The following SNX8 variants were observed in gnomAD, a reference collection of about 807,000 sequenced individuals.
The protein encoded by SNX8 is sorting nexin-8.
In SNX8, 25 loss-of-function variants were observed where a neutral mutation model predicts 51.6. The observed-to-expected ratio is 0.48, with a 90% CI of 0.35 to 0.68. SNX8 has a LOEUF of 0.68. SNX8 is among the 30% of genes least tolerant of loss of function. SNX8 has a pLI of 0.00. For missense variants in SNX8, 695 were observed against 624.0 expected (o/e 1.11, Z -1.21); for synonymous variants, 324 against 277.0 (o/e 1.17, Z -1.68).
chr7:2,263,147 G>A (rs1795376820), intron 7 of SNX8, 83 bp downstream of exon 7: 20 of 1,462,388 alleles, frequency 1.4e-5, no homozygotes, highest in Admixed American at 2.0e-5. Flanking sequence ...GAACTGTGAC[G>A]CCCATCTAAG....
chr7:2,300,120 A>C (rs546937907), intron 1 of SNX8, among the ~76,000 whole-genome samples: 2 of 152,166 alleles, frequency 1.3e-5, no homozygotes, highest in Admixed American at 6.6e-5. Context: ...TTTTTCCCCC[A>C]CGGCTAAATT....
chr7:2,286,651 C>T (rs34196856), intron 1 of SNX8, among the ~76,000 whole-genome samples: 76,393 of 150,396 alleles, frequency 0.51, 22,118 homozygotes, highest in African/African-American at 0.78. Context: ...CCTGAGTAGC[C>T]GGGACTACAG....
At chr7:2,255,389 C>T (rs946970992) in intron 10 of SNX8, among the ~76,000 whole-genome samples, 2 of 152,210 alleles carry the variant, frequency 1.3e-5, no homozygotes, top group African/African-American at 2.4e-5. Context: ...CAGACACCCA[C>T]GCTTCGATCC....
At chr7:2,350,453 A>G (rs1377711715) in intron 1 of SNX8, among the ~76,000 whole-genome samples, 1 of 152,230 alleles carries the variant, frequency 6.6e-6, no homozygotes, top group East Asian at 1.9e-4. Flanking sequence ...CGGAAACTAT[A>G]AATTTGGCCT....
intron 1 of SNX8, among the ~76,000 whole-genome samples, chr7:2,282,381 G>A (rs1455460501): frequency 1.3e-5 from 2 of 152,184 alleles, no homozygotes; most frequent in African/African-American, 4.8e-5. Context: ...CAGGCATGCG[G>A]TGAGGGGCAA....
Position 2,331,532 on chromosome 7 carries a change from C to T in SNX8, c.-66+22690G>A, listed in dbSNP as rs555593755. On this transcript the variant is annotated intron_variant, in intron 1 of 5. Coordinates refer to the SNX8 transcript ENST00000435336. ...CATCCTGGCTAACACGGTGAAACCC[C>T]GTCTCCACTAAAAATACAAAAAATT... Among the ~76,000 whole-genome samples, 433 of 151,820 alleles carry T rather than the reference C, an allele frequency of 2.9e-3. 2 individuals carry two copies. Among genetic ancestry groups the T allele is most frequent in the Middle Eastern group, 0.01 (3 of 294 alleles).
chr7:2,269,910 C>G, intron 4 of SNX8, among the ~76,000 whole-genome samples: 1 of 152,268 alleles, frequency 6.6e-6, no homozygotes, highest in South Asian at 2.1e-4. Flanking sequence ...CGGGGGGCAG[C>G]TCTCCAGAGA....
upstream of SNX8, among the ~76,000 whole-genome samples, chr7:2,317,123 C>G (rs1227990499): frequency 1.3e-5 from 2 of 151,926 alleles, no homozygotes; most frequent in Non-Finnish European, 2.9e-5. Flanking sequence ...AGGAGGAGGG[C>G]ACGAAGGCTC....
intron 1 of SNX8, among the ~76,000 whole-genome samples, chr7:2,283,960 T>A (rs1483997176): frequency 6.6e-6 from 1 of 152,154 alleles, no homozygotes; most frequent in African/African-American, 2.4e-5. Context: ...CATACCTGGC[T>A]AATTTTGCAT....
intron 5 of SNX8, 100 bp downstream of exon 5, chr7:2,269,459 C>T (rs1055278312): frequency 3.3e-6 from 2 of 612,468 alleles, no homozygotes; most frequent in African/African-American, 3.8e-5. Flanking sequence ...CCACTATTGT[C>T]CCATGACCCT....
chr7:2,338,579 A>C (rs1778871276), intron 1 of SNX8, among the ~76,000 whole-genome samples: 1 of 152,164 alleles, frequency 6.6e-6, no homozygotes, highest in Non-Finnish European at 1.5e-5. Context: ...GGTCGCAGTG[A>C]CCCGAGATTG....
rs1199297989 is a variant in SNX8, at chr7:2,278,157, G to A, written c.243C>T (p.Leu81=). 2 of 1,614,150 alleles carry A rather than the reference G, an allele frequency of 1.2e-6. No homozygotes were observed. The highest frequency in any genetic ancestry group is 2.2e-5 in the East Asian group (1 of 44,888). The change falls in exon 2 of 11, where the codon CTC becomes CTT. Residue 81 remains leucine (L), a synonymous_variant. Coordinates refer to ENST00000222990, the MANE Select transcript of SNX8 (RefSeq NM_013321.4). ...LLARDTVQVE[L]IPEKKGLFLK... is the part of the protein sequence containing the mutation. The stretch of plus-strand genomic sequence containing the variant: ...GGAAGAGGCCCTTCTTCTCCGGAAT[G>A]AGCTCCACCTGCACGGTGTCCCTGG...
At chr7:2,311,202 T>G (rs1796651202) in intron 1 of SNX8, among the ~76,000 whole-genome samples, 1 of 152,116 alleles carries the variant, frequency 6.6e-6, no homozygotes, top group Non-Finnish European at 1.5e-5. Context: ...ATTTCACAGT[T>G]CCCACATGAA....
intron 1 of SNX8, among the ~76,000 whole-genome samples, chr7:2,337,944 A>G (rs1778860028): frequency 6.6e-6 from 1 of 151,856 alleles, no homozygotes; most frequent in South Asian, 2.1e-4. Context: ...ATCAGGGGGG[A>G]GAAGTATGCC....
intron 1 of SNX8, chr7:2,354,089 AC>A (rs1205282744): frequency 6.6e-6 from 1 of 152,372 alleles, no homozygotes; most frequent in Non-Finnish European, 1.5e-5. Flanking sequence ...CCCCCACGTG[AC>A]CCGCGCTGTC....
At chr7:2,269,385 G>A (rs1282631902) in intron 5 of SNX8, among the ~76,000 whole-genome samples, 174 bp downstream of exon 5, 2 of 150,178 alleles carry the variant, frequency 1.3e-5, no homozygotes, top group Non-Finnish European at 1.5e-5. Flanking sequence ...GCGGAAGGCC[G>A]CAGGGTCCTC....
intron 1 of SNX8, among the ~76,000 whole-genome samples, chr7:2,304,311 A>G (rs139147273): frequency 0.065 from 9,902 of 151,990 alleles, 458 homozygotes; most frequent in South Asian, 0.2. Flanking sequence ...TTGGGAGGCC[A>G]AGGTGGGCAG....
chr7:2,340,038 C>A (rs1359167868), intron 1 of SNX8, among the ~76,000 whole-genome samples: 2 of 151,336 alleles, frequency 1.3e-5, no homozygotes, highest in African/African-American at 4.9e-5. Flanking sequence ...AAACATATAT[C>A]TACATATGAA....
At chr7:2,267,535 A>C (rs1454239840) in intron 5 of SNX8, among the ~76,000 whole-genome samples, 9 of 132,452 alleles carry the variant, frequency 6.8e-5, no homozygotes, top group Non-Finnish European at 1.5e-4. Context: ...GCCGGTCTCC[A>C]GCCCCTAACC....
Sources: gnomAD v4.1 joint callset for allele counts (sites outside exome capture counted in the v4.1 genomes callset) on GRCh38, gnomAD v4.1.1 for gene constraint, MANE v1.5 for transcripts, NCBI Gene and HGNC (gene_info 2026-07-23, HGNC 2026-07-21) for gene names.